TCF7L2: variants seen among roughly 807,000 people sequenced by gnomAD.
The protein encoded by TCF7L2 is transcription factor 7 like 2.
A neutral mutation model predicts 77.9 loss-of-function variants in TCF7L2; 23 were observed. That is an observed-to-expected ratio of 0.30 (90% confidence interval 0.21 to 0.42). TCF7L2 has a LOEUF of 0.42. Ranked by LOEUF, TCF7L2 falls within the 10% of genes least tolerant of loss-of-function variation. The pLI is 1.00. For synonymous variants in TCF7L2, 413 were observed against 340.2 expected, an observed-to-expected ratio of 1.21 and a Z score of -2.36; for missense variants, 654 against 793.1, an observed-to-expected ratio of 0.82 and a Z score of 2.11.
intron 10 of TCF7L2, 134 bp downstream of exon 10, chr10:113,152,018 T>C (rs1340241842): frequency 2.4e-6 from 3 of 1,260,922 alleles, no homozygotes; most frequent in Non-Finnish European, 3.2e-6. Context: ...TCTGAATCCT[T>C]GAATGGCCTT....
intron 5 of TCF7L2, among the ~76,000 whole-genome samples, chr10:113,061,599 T>C (rs1423115569): frequency 6.6e-6 from 1 of 152,198 alleles, no homozygotes; most frequent in Non-Finnish European, 1.5e-5. Flanking sequence ...CGTTATTAGT[T>C]GGACCAGACT....
chr10:112,956,343 CCT>C (rs1491486609), intron 3 of TCF7L2, among the ~76,000 whole-genome samples: 3 of 99,746 alleles, frequency 3.0e-5, no homozygotes, highest in African/African-American at 7.8e-5. Flanking sequence ...GAGTGATTTA[CCT>C]TTTTTTTTTT....
intron 5 of TCF7L2, among the ~76,000 whole-genome samples, chr10:113,075,008 T>C (rs569858328): frequency 2.0e-4 from 31 of 152,298 alleles, no homozygotes; most frequent in Admixed American, 1.5e-3. Flanking sequence ...GGAAAGTATT[T>C]ATTTATTTAT....
chr10:113,135,564 C>A (rs1233522710), intron 5 of TCF7L2, among the ~76,000 whole-genome samples: 1 of 152,112 alleles, frequency 6.6e-6, no homozygotes, highest in Non-Finnish European at 1.5e-5. Context: ...TTTAATGGTT[C>A]GGCTTTTTAG....
intron 5 of TCF7L2, among the ~76,000 whole-genome samples, chr10:113,084,076 T>C (rs2059583530): frequency 6.6e-6 from 1 of 152,344 alleles, no homozygotes; most frequent in South Asian, 2.1e-4. Flanking sequence ...CCTCTTGCTG[T>C]GGAGGAGAAA....
intron 5 of TCF7L2, among the ~76,000 whole-genome samples, chr10:113,088,576 G>C (rs2060064839): frequency 6.6e-6 from 1 of 152,158 alleles, no homozygotes. Flanking sequence ...TGTGCTGCTG[G>C]ATCTTTCAAG....
chr10:113,051,045 T>C (rs2054337569), intron 5 of TCF7L2, among the ~76,000 whole-genome samples: 1 of 152,112 alleles, frequency 6.6e-6, no homozygotes, highest in South Asian at 2.1e-4. Context: ...CCCTCACTCT[T>C]TTTGTTGTGG....
At chr10:113,118,664 G>GTTTTTTTTTTTT (rs78459197) in intron 5 of TCF7L2, among the ~76,000 whole-genome samples, 1 of 68,266 alleles carries the variant, frequency 1.5e-5, no homozygotes, top group African/African-American at 8.0e-5. Flanking sequence ...GTTTTTTTTT[G>GTTTTTTTTTTTT]TTTTTTTTTT....
intron 5 of TCF7L2, chr10:113,126,988 T>C: frequency 1.1e-6 from 1 of 928,812 alleles, no homozygotes; most frequent in Non-Finnish European, 1.3e-6. Flanking sequence ...TCCGCATGCA[T>C]GCTCTCAGCC....
In TCF7L2 at chr10:113,084,583, T is replaced by C. The variant is rs186853634; in HGVS notation, c.552+44457T>C. ...GTGTATAACCAAATATCCGGGCACC[T>C]TGTGACTTAGTCAAACTGACACATA... On this transcript the variant is annotated intron_variant, in intron 5 of 13. Coordinates refer to ENST00000627217, the MANE Select transcript of TCF7L2 (RefSeq NM_001146274.2). 9.5e-4 allele frequency among the ~76,000 whole-genome samples: 145 copies of C among 152,256 alleles called. 1 individual carries two copies. Among genetic ancestry groups the C allele is most frequent in the African/African-American group, 3.4e-3 (140 of 41,552 alleles).
intron 5 of TCF7L2, among the ~76,000 whole-genome samples, chr10:113,068,147 T>C (rs969583839): frequency 2.0e-5 from 3 of 152,234 alleles, no homozygotes; most frequent in Admixed American, 6.5e-5. Flanking sequence ...TAGGAGGCCA[T>C]TGATCACACG....
At chr10:112,976,804 C>G (rs2039506937) in intron 4 of TCF7L2, among the ~76,000 whole-genome samples, 1 of 152,152 alleles carries the variant, frequency 6.6e-6, no homozygotes, top group African/African-American at 2.4e-5. Context: ...TTCCACGTAT[C>G]TTAGATTTTG....
intron 4 of TCF7L2, among the ~76,000 whole-genome samples, chr10:113,008,031 T>C (rs755383953): frequency 6.6e-6 from 1 of 152,358 alleles, no homozygotes; most frequent in African/African-American, 2.4e-5. Context: ...GCCTCAGGGC[T>C]GAGGGCTGAG....
intron 4 of TCF7L2, among the ~76,000 whole-genome samples, chr10:113,008,042 A>T (rs1189088943): frequency 6.6e-6 from 1 of 152,214 alleles, no homozygotes; most frequent in Non-Finnish European, 1.5e-5. Context: ...GAGGGCTGAG[A>T]TGAGAATTTC....
chr10:113,034,769 G>A (rs983817284), intron 4 of TCF7L2, among the ~76,000 whole-genome samples: 16 of 152,116 alleles, frequency 1.1e-4, no homozygotes, highest in Admixed American at 3.3e-4. Flanking sequence ...GGTGATACGC[G>A]CCTGTAATCC....
chr10:113,050,262 A>G (rs550783608), intron 5 of TCF7L2, among the ~76,000 whole-genome samples: 2 of 152,240 alleles, frequency 1.3e-5, no homozygotes, highest in East Asian at 3.9e-4. Context: ...TCACAAGGAC[A>G]CCGTCTGTGT....
chr10:113,006,475 G>A (rs1239257777), intron 4 of TCF7L2, among the ~76,000 whole-genome samples: 3 of 151,994 alleles, frequency 2.0e-5, no homozygotes, highest in Non-Finnish European at 4.4e-5. Context: ...ATTTACTGAG[G>A]TATAAATTAC....
intron 5 of TCF7L2, among the ~76,000 whole-genome samples, chr10:113,135,536 T>C (rs1473184): frequency 0.37 from 56,656 of 152,102 alleles, 11,964 homozygotes; most frequent in African/African-American, 0.55. Flanking sequence ...TCCTTTTAAA[T>C]AGATATTGTT....
chr10:112,950,852 C>T lies in TCF7L2; in HGVS notation c.96C>T (p.Ser32=), dbSNP rs755319058. ...AGGGCGAACAGGAGGAGAAGAGCTC[C>T]GAAAACTCCTCGGCAGAGAGGGATT... Residue 32 remains serine (S), a synonymous_variant, in exon 1 of 14, where the codon TCC becomes TCT. Transcript: ENST00000627217. 1.9e-6 allele frequency: 3 copies of T among 1,609,758 alleles called. No homozygotes were observed. Among genetic ancestry groups the T allele is most frequent in the Non-Finnish European group, 1.7e-6 (2 of 1,178,248 alleles).
Sources: gnomAD v4.1 joint callset for allele counts (sites outside exome capture counted in the v4.1 genomes callset) on GRCh38, gnomAD v4.1.1 for gene constraint, MANE v1.5 for transcripts, NCBI Gene and HGNC (gene_info 2026-07-23, HGNC 2026-07-21) for gene names.